SHROOM3: variants seen among roughly 807,000 people sequenced by gnomAD.
The protein encoded by SHROOM3 is protein Shroom3.
In SHROOM3, 47 loss-of-function variants were observed where a neutral mutation model predicts 138.6. The ratio of observed to expected loss-of-function variants is 0.34; its 90% CI spans 0.27 to 0.43. SHROOM3 has a LOEUF of 0.43. Ranked by LOEUF, SHROOM3 falls within the 20% of genes least tolerant of loss-of-function variation. SHROOM3 has a pLI of 1.00. For missense variants in SHROOM3, 2,491 were observed against 2,596.5 expected (o/e 0.96, Z 0.88); for synonymous variants, 1,062 against 1,063.3 (o/e 1.00, Z 0.02).
chr4:76,718,916 A>G (rs543927351), intron 3 of SHROOM3, among the ~76,000 whole-genome samples: 5 of 152,302 alleles, frequency 3.3e-5, no homozygotes, highest in African/African-American at 1.2e-4. Flanking sequence ...GGACTCCTTT[A>G]AACTCTCAAA....
At chr4:76,727,886 T>A (rs1160053932) in intron 3 of SHROOM3, among the ~76,000 whole-genome samples, 1 of 33,948 alleles carries the variant, frequency 2.9e-5, no homozygotes, top group Non-Finnish European at 9.4e-5. Flanking sequence ...AGACTCCATC[T>A]CAAAAAAAAA....
chr4:76,749,940 C>T lies in SHROOM3; in HGVS notation c.3827+850C>T, dbSNP rs79495693. Among the ~76,000 whole-genome samples, 167 of 152,292 alleles carry T rather than the reference C, an allele frequency of 1.1e-3. 1 individual carries two copies. The East Asian group carries it at 0.021, about 19-fold the overall frequency. ...CTAATGATAATACACCTACACCCTA[C>T]CTACTCCTTTCTACGTTTTTAAGCC... On this transcript the variant is annotated intron_variant, in intron 6 of 10. Coordinates refer to ENST00000296043, the MANE Select transcript of SHROOM3 (RefSeq NM_020859.4).
intron 5 of SHROOM3, among the ~76,000 whole-genome samples, chr4:76,743,719 T>C (rs1354743495): frequency 6.6e-6 from 1 of 152,192 alleles, no homozygotes; most frequent in African/African-American, 2.4e-5. Context: ...TGTTTAGAAT[T>C]GTACAGAAAT....
intron 3 of SHROOM3, among the ~76,000 whole-genome samples, chr4:76,722,441 G>A (rs1254055653): frequency 6.6e-6 from 1 of 152,126 alleles, no homozygotes; most frequent in African/African-American, 2.4e-5. Context: ...TCTCATAAGT[G>A]GGAGCTAAAT....
At chr4:76,768,941 T>C (rs1002945378) in intron 9 of SHROOM3, among the ~76,000 whole-genome samples, 3 of 152,330 alleles carry the variant, frequency 2.0e-5, no homozygotes, top group East Asian at 3.9e-4. Flanking sequence ...ACTTGTGAAG[T>C]ACCTCTGATG....
chr4:76,632,514 A>G (rs2110073991), intron 2 of SHROOM3, among the ~76,000 whole-genome samples: 1 of 152,318 alleles, frequency 6.6e-6, no homozygotes, highest in South Asian at 2.1e-4. Context: ...ACATAAACAC[A>G]AATCATTGAC....
At chr4:76,691,227 G>A (rs1036643416) in intron 2 of SHROOM3, among the ~76,000 whole-genome samples, 1 of 152,152 alleles carries the variant, frequency 6.6e-6, no homozygotes, top group Non-Finnish European at 1.5e-5. Flanking sequence ...ATGTTGTAGA[G>A]AATTCACTTC....
chr4:76,502,748 T>C (rs1732125915), intron 1 of SHROOM3, among the ~76,000 whole-genome samples: 1 of 152,280 alleles, frequency 6.6e-6, no homozygotes, highest in Non-Finnish European at 1.5e-5. Flanking sequence ...TGTGCTTTAT[T>C]CTAAAAGCTT....
At chr4:76,490,986 CGG>C (rs1731838206) in intron 1 of SHROOM3, among the ~76,000 whole-genome samples, 1 of 152,100 alleles carries the variant, frequency 6.6e-6, no homozygotes, top group African/African-American at 2.4e-5. Context: ...CTGGGGTTAA[CGG>C]GGGAATTCTT....
chr4:76,567,129 G>A (rs1341555233), intron 2 of SHROOM3, among the ~76,000 whole-genome samples: 4 of 152,240 alleles, frequency 2.6e-5, no homozygotes, highest in Admixed American at 2.0e-4. Flanking sequence ...TGGGTGGGAT[G>A]TGTAAAATTA....
chr4:76,759,588 G>T lies in SHROOM3; in HGVS notation c.5242G>T (p.Ala1748Ser). 3 of 1,614,170 alleles carry T rather than the reference G, an allele frequency of 1.9e-6. No homozygotes were observed. The highest frequency in any genetic ancestry group is 4.5e-5 in the East Asian group (2 of 44,888). The change falls in exon 9 of 11, where the codon GCC becomes TCC. Residue 1748 changes from alanine to serine, a missense_variant. By Grantham distance (99) the Ala-to-Ser change is moderately conservative (BLOSUM62 1). This residue lies in a region of SHROOM3 where 470 missense variants were observed against 595.0 expected (regional missense o/e 0.79). Coordinates refer to ENST00000296043, the MANE Select transcript of SHROOM3 (RefSeq NM_020859.4). Reference sequence around the variant, plus strand: ...AGTGAGCATGTTGGTTAACTGCCCTGCCTACTACAGTGTGTCTGCTCCCAA... The same window carrying T: ...AGTGAGCATGTTGGTTAACTGCCCTTCCTACTACAGTGTGTCTGCTCCCAA... The part of the protein sequence containing the change: ...EAVSMLVNCP[A>S]YYSVSAPKAE...
chr4:76,437,273 ATG>A (rs34496254), intron 1 of SHROOM3, among the ~76,000 whole-genome samples: 26,134 of 152,072 alleles, frequency 0.17, 2,323 homozygotes, highest in South Asian at 0.23. Context: ...GGATGTGCAT[ATG>A]TGTGTGTCAG....
At chr4:76,460,820 G>A (rs1473303991) in intron 1 of SHROOM3, among the ~76,000 whole-genome samples, 11 of 26,776 alleles carry the variant, frequency 4.1e-4, no homozygotes, top group Admixed American at 1.3e-3. Flanking sequence ...GTGAAAGCCC[G>A]TATCTACAAA....
chr4:76,512,542 C>T (rs1015651939), intron 1 of SHROOM3, among the ~76,000 whole-genome samples: 5 of 152,160 alleles, frequency 3.3e-5, no homozygotes, highest in African/African-American at 1.2e-4. Flanking sequence ...AGGGGTCACA[C>T]CCTCTGCAGG....
At chr4:76,557,224 T>TACACACACAC (rs1289575397) in intron 2 of SHROOM3, among the ~76,000 whole-genome samples, 1 of 72,010 alleles carries the variant, frequency 1.4e-5, no homozygotes, top group African/African-American at 6.4e-5. Context: ...TATGTTTATG[T>TACACACACAC]ATACACACAC....
rs1721829272 is a variant in SHROOM3, at chr4:76,756,768, C to T, written c.5029C>T (p.His1677Tyr). 1 of 1,614,112 alleles carries T rather than the reference C, an allele frequency of 6.2e-7. No homozygotes were observed. Among genetic ancestry groups the T allele is most frequent in the African/African-American group, 1.3e-5 (1 of 75,018 alleles). The change falls in exon 8 of 11, where the codon CAC becomes TAC. Residue 1677 changes from histidine (H) to tyrosine (Y), a missense_variant. His to Tyr is a moderately conservative substitution (Grantham distance 83). Around this residue, in one of 4 missense-constraint regions of SHROOM3, gnomAD observed 470 missense variants for 595.0 expected, o/e 0.79. Coordinates refer to ENST00000296043, the MANE Select transcript of SHROOM3 (RefSeq NM_020859.4). Reference sequence around the variant, plus strand: ...AGAGGCTTTGGCCAAGGAAATTGTCCACCAAGACAAATCTCTAGCAGACAT... The same window carrying T: ...AGAGGCTTTGGCCAAGGAAATTGTCTACCAAGACAAATCTCTAGCAGACAT... ...RTEALAKEIV[H>Y]QDKSLADILD...
chr4:76,578,284 C>T (rs966625175), intron 2 of SHROOM3, among the ~76,000 whole-genome samples: 4 of 152,088 alleles, frequency 2.6e-5, no homozygotes, highest in African/African-American at 9.7e-5. Context: ...TTTAGCTATA[C>T]GGTTGGAGGA....
At chr4:76,707,184 T>C (rs1172248758) in intron 2 of SHROOM3, among the ~76,000 whole-genome samples, 1 of 152,318 alleles carries the variant, frequency 6.6e-6, no homozygotes, top group East Asian at 1.9e-4. Context: ...ACCATCACCA[T>C]TCCCTACCAA....
At chr4:76,489,817 G>A (rs776437189) in intron 1 of SHROOM3, among the ~76,000 whole-genome samples, 3 of 152,204 alleles carry the variant, frequency 2.0e-5, no homozygotes, top group Non-Finnish European at 2.9e-5. Flanking sequence ...TCACCGGTAT[G>A]ATGGTCGTAA....
Sources: gnomAD v4.1 joint callset for allele counts (sites outside exome capture counted in the v4.1 genomes callset) on GRCh38, gnomAD v4.1.1 for gene constraint, gnomAD v4.1.1 regional missense constraint, MANE v1.5 for transcripts, NCBI Gene and HGNC (gene_info 2026-07-23, HGNC 2026-07-21) for gene names.